Variants in ZBTB7C observed in about 807,000 individuals in gnomAD.
ZBTB7C encodes zinc finger and BTB domain-containing protein 7C.
ZBTB7C carries 8 observed loss-of-function variants against 25.7 expected under a neutral mutation model. That is an observed-to-expected ratio of 0.31 (90% CI 0.18 to 0.56). ZBTB7C has a LOEUF of 0.56. ZBTB7C is among the 20% of genes least tolerant of loss of function. The pLI is 0.91. For synonymous variants in ZBTB7C, 394 were observed against 369.0 expected, an observed-to-expected ratio of 1.07 and a Z score of -0.78; for missense variants, 824 against 855.2, an observed-to-expected ratio of 0.96 and a Z score of 0.46.
intron 2 of ZBTB7C, among the ~76,000 whole-genome samples, chr18:48,195,231 C>A (rs2042290346): frequency 6.6e-6 from 1 of 152,136 alleles, no homozygotes; most frequent in Non-Finnish European, 1.5e-5. Context: ...ATTATTATTT[C>A]TTACATAAAC....
At chr18:48,375,108 C>T (rs1169706957) in intron 1 of ZBTB7C, among the ~76,000 whole-genome samples, 4 of 152,216 alleles carry the variant, frequency 2.6e-5, no homozygotes, top group African/African-American at 7.2e-5. Context: ...GAAGGAGACT[C>T]GAGCCTCTTT....
At chr18:48,146,354 C>T (rs2040496982) in intron 3 of ZBTB7C, among the ~76,000 whole-genome samples, 1 of 152,088 alleles carries the variant, frequency 6.6e-6, no homozygotes, top group Admixed American at 6.5e-5. Flanking sequence ...AATTACTAGA[C>T]CATTTCTAAA....
At chr18:48,249,103 AAC>A (rs1482281941) in intron 2 of ZBTB7C, among the ~76,000 whole-genome samples, 1 of 152,234 alleles carries the variant, frequency 6.6e-6, no homozygotes, top group Non-Finnish European at 1.5e-5. Flanking sequence ...AAATTAGAAA[AAC>A]AGTTTTTGCT....
At chr18:48,354,073 G>A (rs370429088) in intron 1 of ZBTB7C, among the ~76,000 whole-genome samples, 2 of 152,158 alleles carry the variant, frequency 1.3e-5, no homozygotes, top group Non-Finnish European at 2.9e-5. Context: ...CTCATTCAAC[G>A]AAAGCATCCT....
intron 3 of ZBTB7C, among the ~76,000 whole-genome samples, chr18:48,153,833 TAC>T (rs2040753288): frequency 6.6e-6 from 1 of 152,188 alleles, no homozygotes; most frequent in South Asian, 2.1e-4. Flanking sequence ...AATATGGGAA[TAC>T]ACACACTCTG....
chr18:48,264,615 A>C (rs1309482266), intron 2 of ZBTB7C, among the ~76,000 whole-genome samples: 1 of 152,164 alleles, frequency 6.6e-6, no homozygotes, highest in Admixed American at 6.5e-5. Context: ...GGTTCGGTTA[A>C]GGGAGGCTGG....
intron 2 of ZBTB7C, among the ~76,000 whole-genome samples, chr18:48,195,319 G>A (rs1223914760): frequency 6.6e-6 from 1 of 152,152 alleles, no homozygotes; most frequent in Non-Finnish European, 1.5e-5. Flanking sequence ...TAATCCCCAC[G>A]TGTTGTGGGA....
chr18:48,068,550 T>A (rs982259341), intron 3 of ZBTB7C, among the ~76,000 whole-genome samples: 2 of 151,732 alleles, frequency 1.3e-5, no homozygotes, highest in African/African-American at 4.8e-5. Context: ...CCCAGACAAG[T>A]TGAATTAGAC....
chr18:48,169,923 GTTC>G (rs1461854366), intron 3 of ZBTB7C: 2 of 152,334 alleles, frequency 1.3e-5, no homozygotes, highest in African/African-American at 4.8e-5. Context: ...TAAAGTCTCT[GTTC>G]TCTCTGTTAT....
chr18:48,190,771 C>T (rs978405656), intron 2 of ZBTB7C, among the ~76,000 whole-genome samples: 2 of 152,198 alleles, frequency 1.3e-5, no homozygotes, highest in Admixed American at 1.3e-4. Flanking sequence ...ACTGCAGACA[C>T]AGCCTTGCTG....
chr18:48,081,905 T>C (rs1181994271), intron 3 of ZBTB7C, among the ~76,000 whole-genome samples: 1 of 152,242 alleles, frequency 6.6e-6, no homozygotes. Flanking sequence ...TAATAATTTT[T>C]ATATGAATTA....
At chr18:48,162,514 G>C in intron 3 of ZBTB7C, 1 of 418,756 alleles carries the variant, frequency 2.4e-6, no homozygotes, top group South Asian at 1.7e-5. Flanking sequence ...CCCCACATTT[G>C]GGGTTTGGCA....
chr18:48,202,124 T>C (rs949475113), intron 2 of ZBTB7C, among the ~76,000 whole-genome samples: 6 of 152,138 alleles, frequency 3.9e-5, no homozygotes, highest in Non-Finnish European at 7.4e-5. Flanking sequence ...GGGACCACAG[T>C]GCTTCCTGCT....
At chr18:48,189,622 C>A (rs980427851) in intron 2 of ZBTB7C, among the ~76,000 whole-genome samples, 1 of 152,122 alleles carries the variant, frequency 6.6e-6, no homozygotes, top group Non-Finnish European at 1.5e-5. Context: ...GCCTCTCCCC[C>A]ACCCATCCTT....
At chr18:48,289,854 G>A (rs546110711) in intron 2 of ZBTB7C, among the ~76,000 whole-genome samples, 61 of 152,204 alleles carry the variant, frequency 4.0e-4, no homozygotes, top group Non-Finnish European at 5.9e-4. Context: ...AGTCCTAGAA[G>A]GGTGCATGTT....
At chr18:48,182,863 A>G (rs1224733223) in intron 3 of ZBTB7C, among the ~76,000 whole-genome samples, 1 of 152,230 alleles carries the variant, frequency 6.6e-6, no homozygotes, top group Non-Finnish European at 1.5e-5. Context: ...TAGTGAAGTT[A>G]GTGAAATTTT....
chr18:48,410,341 A>C (rs9961076), upstream of ZBTB7C, among the ~76,000 whole-genome samples: 18,525 of 152,032 alleles, frequency 0.12, 2,139 homozygotes, highest in African/African-American at 0.31. Flanking sequence ...CACGCCGGGG[A>C]GCAGCCGCTG....
In ZBTB7C at chr18:48,039,885, G is replaced by A. The variant is rs542103154; in HGVS notation, c.1208+15C>T. On this transcript the variant is annotated intron_variant, in intron 4 of 4. Transcript: ENST00000590800. Reference sequence around the variant, plus strand: ...TCTGGCCCCGTGCCCCACACCCGAGGGCTGCCATGCGCACCTGGTGAAGCG... The same window carrying A: ...TCTGGCCCCGTGCCCCACACCCGAGAGCTGCCATGCGCACCTGGTGAAGCG... 7.3e-5 allele frequency: 118 copies of A among 1,608,850 alleles called. 2 individuals are homozygous for A. In the South Asian group the frequency reaches 1.0e-3, roughly 14 times the overall value.
intron 2 of ZBTB7C, among the ~76,000 whole-genome samples, chr18:48,248,485 T>C (rs959093139): frequency 2.0e-5 from 3 of 152,312 alleles, no homozygotes; most frequent in Admixed American, 6.5e-5. Flanking sequence ...CTATTGCAAA[T>C]GTCACTTTGT....
Sources: gnomAD v4.1 joint callset for allele counts (sites outside exome capture counted in the v4.1 genomes callset) on GRCh38, gnomAD v4.1.1 for gene constraint, MANE v1.5 for transcripts, NCBI Gene and HGNC (gene_info 2026-07-23, HGNC 2026-07-21) for gene names.